ARHGAP5: variants seen among roughly 807,000 people sequenced by gnomAD.
The protein encoded by ARHGAP5 is Rho GTPase activating protein 5.
ARHGAP5 carries 23 observed loss-of-function variants against 116.6 expected under a neutral mutation model. That is an observed-to-expected ratio of 0.20 (90% CI 0.14 to 0.28). The LOEUF (loss-of-function observed/expected upper bound fraction) is 0.28. Ranked by LOEUF, ARHGAP5 falls within the 10% of genes least tolerant of loss-of-function variation. ARHGAP5 has a pLI of 1.00. For missense variants in ARHGAP5, 1,405 were observed against 1,774.8 expected (o/e 0.79, Z 3.74); for synonymous variants, 574 against 602.0 (o/e 0.95, Z 0.68).
chr14:32,093,942 T>C lies in ARHGAP5; in HGVS notation c.3273T>C (p.Tyr1091=). 6.2e-7 allele frequency: 1 copy of C among 1,614,096 alleles called. No individual in the cohort carries two copies. Residue 1091 remains tyrosine, a synonymous_variant, in exon 2 of 7, where the codon TAT becomes TAC. Coordinates refer to ENST00000345122, the MANE Select transcript of ARHGAP5 (RefSeq NM_001030055.2). ...AAGATATGGATCCTTCAGATAACTA[T>C]GCGGAACCCATTGATACAATTTTCA... ...HPEDMDPSDN[Y]AEPIDTIFKQ...
chr14:32,132,390 G>C (rs538320745), intron 3 of ARHGAP5, among the ~76,000 whole-genome samples: 215 of 152,288 alleles, frequency 1.4e-3, no homozygotes, highest in Middle Eastern at 6.8e-3. Context: ...CTTCTTTTGA[G>C]CAGTGTCTGT....
intron 2 of ARHGAP5, among the ~76,000 whole-genome samples, chr14:32,096,548 A>C (rs566807170): frequency 6.6e-6 from 1 of 152,344 alleles, no homozygotes; most frequent in South Asian, 2.1e-4. Flanking sequence ...TACTATCAAC[A>C]ATTCCGTGCC....
chr14:32,098,667 A>G (rs770253243), intron 2 of ARHGAP5, among the ~76,000 whole-genome samples: 4 of 152,202 alleles, frequency 2.6e-5, no homozygotes, highest in Non-Finnish European at 4.4e-5. Context: ...CTGTTATACT[A>G]TGAAAGCAGC....
At chr14:32,088,825 G>A (rs924500171) in intron 1 of ARHGAP5, among the ~76,000 whole-genome samples, 3 of 151,892 alleles carry the variant, frequency 2.0e-5, no homozygotes, top group Non-Finnish European at 4.4e-5. Context: ...TATTTATTAA[G>A]CCCCTTGGCT....
chr14:32,137,179 C>G (rs2139119003), intron 3 of ARHGAP5, among the ~76,000 whole-genome samples: 1 of 150,788 alleles, frequency 6.6e-6, no homozygotes, highest in Non-Finnish European at 1.5e-5. Context: ...AGATTTATCA[C>G]TTTTTCCTTT....
intron 3 of ARHGAP5, among the ~76,000 whole-genome samples, chr14:32,119,102 G>A (rs181875491): frequency 2.4e-4 from 37 of 152,052 alleles, no homozygotes; most frequent in African/African-American, 7.7e-4. Flanking sequence ...TTTTGTTGTC[G>A]TTATAGTATA....
intron 1 of ARHGAP5, among the ~76,000 whole-genome samples, chr14:32,082,729 G>C (rs562300274): frequency 8.5e-4 from 129 of 152,096 alleles, no homozygotes; most frequent in Non-Finnish European, 1.7e-3. Flanking sequence ...TAGTAGAGAT[G>C]GGGTTTCACC....
At position 32,117,274 on chromosome 14, in the gene ARHGAP5, T is replaced by C. The variant is rs1879652917; in HGVS notation, c.3852T>C (p.Phe1284=). 6.2e-7 allele frequency: 1 copy of C among 1,602,742 alleles called. No individual in the cohort carries two copies. The highest frequency in any genetic ancestry group is 1.7e-5 in the Admixed American group (1 of 59,276). Residue 1284 remains phenylalanine (F), a synonymous_variant, in exon 3 of 7, where the codon TTT becomes TTC. Transcript: ENST00000345122. Reference sequence around the variant, plus strand: ...TATTTGTTGAGAAATGTGTGGAATTTATTGAAGATACAGGTAGGATAGAAG... The same window carrying C: ...TATTTGTTGAGAAATGTGTGGAATTCATTGAAGATACAGGTAGGATAGAAG... ...IPLFVEKCVE[F]IEDTGLCTEG... is the part of the protein sequence containing the mutation.
intron 3 of ARHGAP5, among the ~76,000 whole-genome samples, chr14:32,133,297 T>C (rs1220161797): frequency 6.6e-6 from 1 of 152,228 alleles, no homozygotes; most frequent in African/African-American, 2.4e-5. Context: ...GAAGAGGTCC[T>C]TCACATCCCT....
Position 32,092,024 on chromosome 14 carries a change from A to T in ARHGAP5, c.1355A>T (p.Glu452Val). 2 of 1,613,734 alleles carry T rather than the reference A, an allele frequency of 1.2e-6. No individual in the cohort carries two copies. The highest frequency in any genetic ancestry group is 1.7e-6 in the Non-Finnish European group (2 of 1,179,744). ...ATTTCACCAGGGCAGCCATGGGAGG[A>T]AGTTATGTGCTTTGTTATGGAGGAT... ...QFISPGQPWE[E>V]VMCFVMEDEA... Residue 452 changes from glutamate to valine, a missense_variant, in exon 2 of 7, where the codon GAA becomes GTA. Transcript: ENST00000345122. The surrounding 1 kb of genome is among the most constrained non-coding windows in gnomAD (Gnocchi z 4.1).
At chr14:32,154,506 C>T in intron 6 of ARHGAP5, 115 bp from the exon 7 acceptor site, 1 of 967,652 alleles carries the variant, frequency 1.0e-6, no homozygotes, top group African/African-American at 1.6e-5. Context: ...TTTTTAAACC[C>T]CAGGTTTGAA....
chr14:32,126,040 A>G (rs560228161), intron 3 of ARHGAP5, among the ~76,000 whole-genome samples: 2 of 152,228 alleles, frequency 1.3e-5, no homozygotes, highest in Admixed American at 1.3e-4. Context: ...GTCTTCTGTG[A>G]ATAGGGATAC....
intron 3 of ARHGAP5, among the ~76,000 whole-genome samples, chr14:32,140,915 C>T (rs568460962): frequency 1.2e-4 from 19 of 152,248 alleles, no homozygotes; most frequent in Admixed American, 9.8e-4. Context: ...GGACTACTAT[C>T]GTCTCCAACT....
At chr14:32,094,573 A>C (rs912339857) in intron 2 of ARHGAP5, among the ~76,000 whole-genome samples, 187 bp downstream of exon 2, 4 of 152,046 alleles carry the variant, frequency 2.6e-5, no homozygotes, top group African/African-American at 9.7e-5. Context: ...ATTGGGGTAG[A>C]GTTTGATTTC....
intron 1 of ARHGAP5, among the ~76,000 whole-genome samples, chr14:32,083,467 A>G (rs566752003): frequency 2.0e-5 from 3 of 152,246 alleles, no homozygotes; most frequent in Admixed American, 6.5e-5. Flanking sequence ...CCTTTACAGA[A>G]AAAGTTTTCC....
At chr14:32,097,164 A>G (rs971754575) in intron 2 of ARHGAP5, among the ~76,000 whole-genome samples, 2 of 152,232 alleles carry the variant, frequency 1.3e-5, no homozygotes, top group Non-Finnish European at 2.9e-5. Context: ...TGCACCATGC[A>G]TTATTACTAG....
At position 32,093,077 on chromosome 14, in the gene ARHGAP5, A is replaced by G. The variant is rs773213438; in HGVS notation, c.2408A>G (p.His803Arg). ...DLILSPFLDS[H>R]SCSAAQAGQN... Reference sequence around the variant, plus strand: ...ATTCTTTCACCCTTCCTTGATTCTCATTCTTGCAGTGCTGCTCAAGCTGGA... The same window carrying G: ...ATTCTTTCACCCTTCCTTGATTCTCGTTCTTGCAGTGCTGCTCAAGCTGGA... Residue 803 changes from histidine (H) to arginine (R), a missense_variant, in exon 2 of 7, where the codon CAT (histidine) becomes CGT (arginine). His to Arg is a conservative substitution (Grantham distance 29). Around this residue, in one of 6 missense-constraint regions of ARHGAP5, gnomAD observed 944 missense variants for 1,095.3 expected, o/e 0.86. Transcript: ENST00000345122. 1.9e-6 allele frequency: 3 copies of G among 1,613,860 alleles called. No individual in the cohort carries two copies. Among genetic ancestry groups the G allele is most frequent in the South Asian group, 1.1e-5 (1 of 91,074 alleles).
chr14:32,126,897 A>C (rs188909442), intron 3 of ARHGAP5, among the ~76,000 whole-genome samples: 38 of 152,086 alleles, frequency 2.5e-4, no homozygotes, highest in African/African-American at 6.8e-4. Flanking sequence ...ATATGAATGT[A>C]CTTAATACCA....
chr14:32,141,087 G>A (rs1881102970), intron 3 of ARHGAP5, among the ~76,000 whole-genome samples: 1 of 151,988 alleles, frequency 6.6e-6, no homozygotes, highest in Non-Finnish European at 1.5e-5. Flanking sequence ...AACAGTTTTT[G>A]TCTTAAAGTC....
Sources: allele counts gnomAD v4.1 joint callset (sites outside exome capture counted in the v4.1 genomes callset), GRCh38; gene constraint gnomAD v4.1.1; regional missense constraint gnomAD v4.1.1; non-coding constraint Gnocchi (gnomAD v3.1); transcripts MANE v1.5; gene names NCBI Gene and HGNC (gene_info 2026-07-23, HGNC 2026-07-21).